ATP8B4: variants seen among roughly 807,000 people sequenced by gnomAD.
ATP8B4 encodes the protein ATPase phospholipid transporting 8B4 (putative).
In ATP8B4, 133 loss-of-function variants were observed where a neutral mutation model predicts 145.6. The observed-to-expected ratio is 0.91, with a 90% CI of 0.79 to 1.05. The LOEUF (loss-of-function observed/expected upper bound fraction) is 1.05. ATP8B4 is among the 50% of genes least tolerant of loss of function. The probability of loss-of-function intolerance (pLI) is 0.00; values close to 1 mark genes in which losing one functional copy is unlikely to be tolerated. For synonymous variants in ATP8B4, 507 were observed against 492.9 expected (o/e 1.03, Z -0.38); for missense variants, 1,458 against 1,425.2 (o/e 1.02, Z -0.37).
chr15:50,063,985 GA>G (rs1235395215), intron 3 of ATP8B4, among the ~76,000 whole-genome samples: 1 of 152,082 alleles, frequency 6.6e-6, no homozygotes, highest in Non-Finnish European at 1.5e-5. Context: ...CCCAAAGAAA[GA>G]AAAGGCTGTT....
chr15:49,986,078 T>C (rs1232722935), intron 10 of ATP8B4, among the ~76,000 whole-genome samples: 1 of 152,216 alleles, frequency 6.6e-6, no homozygotes, highest in Non-Finnish European at 1.5e-5. Context: ...TTCCTTGTTT[T>C]TCAGAACATT....
Position 50,160,795 on chromosome 15 carries a change from T to G in ATP8B4, c.-43+21466A>C, listed in dbSNP as rs139077282. Among the ~76,000 whole-genome samples the G allele has an allele frequency of 6.2e-3, 947 of 152,250 alleles. 11 individuals carry two copies. Among genetic ancestry groups the G allele is most frequent in the African/African-American group, 0.022 (921 of 41,580 alleles). On this transcript the variant is annotated intron_variant, in intron 1 of 3. Coordinates refer to the ATP8B4 transcript ENST00000558829. ...TAAGACTTGTTTGTGGCTTAAGATATGGTTCATTTTGAGAATGATCCATGT... is the reference window on the plus strand; with the variant it reads ...TAAGACTTGTTTGTGGCTTAAGATAGGGTTCATTTTGAGAATGATCCATGT...
intron 2 of ATP8B4, among the ~76,000 whole-genome samples, chr15:50,095,998 T>C (rs866420032): frequency 9.2e-5 from 14 of 152,184 alleles, no homozygotes; most frequent in South Asian, 2.1e-4. Flanking sequence ...AAATAACGTA[T>C]AATGTTTAGG....
chr15:49,961,090 G>A (rs1408347682), intron 14 of ATP8B4, among the ~76,000 whole-genome samples: 1 of 151,052 alleles, frequency 6.6e-6, no homozygotes, highest in African/African-American at 2.4e-5. Context: ...CCGAGATTGC[G>A]CCACTGCGCT....
rs2044098653 is a variant in ATP8B4 at position 50,134,698 on chromosome 15, A to G, written c.-42-27690T>C. On this transcript the variant is annotated intron_variant, in intron 1 of 3. Coordinates refer to the ATP8B4 transcript ENST00000558829. ...TCAACAAGAATGGAGAACAAAGTATAGATTCAAGAAATATTCCAAATATAG... is the reference window on the plus strand; with the variant it reads ...TCAACAAGAATGGAGAACAAAGTATGGATTCAAGAAATATTCCAAATATAG... 3.9e-5 allele frequency among the ~76,000 whole-genome samples: 6 copies of G among 152,264 alleles called. 1 individual carries two copies. The highest frequency in any genetic ancestry group is 3.9e-4 in the Admixed American group (6 of 15,288).
At chr15:50,180,692 C>G (rs11854761) in intron 1 of ATP8B4, among the ~76,000 whole-genome samples, 13,981 of 152,128 alleles carry the variant, frequency 0.092, 848 homozygotes, top group Middle Eastern at 0.15. Flanking sequence ...TGGTTTCTGT[C>G]GGGCCCTCAC....
chr15:49,912,692 C>T (rs2039352640), intron 20 of ATP8B4, among the ~76,000 whole-genome samples: 1 of 152,090 alleles, frequency 6.6e-6, no homozygotes, highest in Non-Finnish European at 1.5e-5. Context: ...TACCCTCATA[C>T]CAAAATCAGA....
intron 14 of ATP8B4, among the ~76,000 whole-genome samples, chr15:49,947,617 A>C (rs1429700070): frequency 6.6e-6 from 1 of 152,108 alleles, no homozygotes; most frequent in African/African-American, 2.4e-5. Flanking sequence ...AAGTATAAAA[A>C]AAATTCTAAA....
intron 2 of ATP8B4, among the ~76,000 whole-genome samples, chr15:50,092,164 G>T (rs2055652486): frequency 6.6e-6 from 1 of 152,008 alleles, no homozygotes; most frequent in Admixed American, 6.6e-5. Flanking sequence ...TATTTGATGA[G>T]ACAAACCAAT....
chr15:49,913,441 C>T (rs2039438694), intron 20 of ATP8B4, among the ~76,000 whole-genome samples: 2 of 152,168 alleles, frequency 1.3e-5, no homozygotes, highest in Admixed American at 6.5e-5. Context: ...GAGTTGAAAC[C>T]CTTTTTTCTA....
chr15:50,161,862 C>T (rs747648081), intron 1 of ATP8B4, among the ~76,000 whole-genome samples: 5 of 151,938 alleles, frequency 3.3e-5, no homozygotes, highest in African/African-American at 9.7e-5. Context: ...AGTTTTGTAC[C>T]GTCAGATGAT....
chr15:49,900,000 G>A (rs2037842429), intron 21 of ATP8B4, among the ~76,000 whole-genome samples: 1 of 152,194 alleles, frequency 6.6e-6, no homozygotes, highest in African/African-American at 2.4e-5. Flanking sequence ...GAGCCTGAGA[G>A]AAAGTCAAAG....
chr15:49,922,333 C>T lies in ATP8B4; in HGVS notation c.1758+1046G>A, dbSNP rs189381188. On this transcript the variant is annotated intron_variant, in intron 17 of 27. Coordinates refer to ENST00000284509, the MANE Select transcript of ATP8B4 (RefSeq NM_024837.4). ...AACCAGGGCCTTGGTGTTTGAGTAA[C>T]GGCAATAAGTCAGACACTTATGATT... The T allele has an allele frequency of 1.1e-3, 456 of 398,130 alleles. 8 individuals carry two copies. Among genetic ancestry groups the T allele is most frequent in the South Asian group, 4.8e-3 (254 of 52,550 alleles). 24.7% of individuals were successfully genotyped at this position (398,130 alleles called of 1,614,324 possible).
Position 50,050,745 on chromosome 15 carries a change from A to ATAAAACATATTAAATATGTTTTATT in ATP8B4, c.88-3306_88-3282dup, listed in dbSNP as rs1194770397. On this transcript the variant is annotated intron_variant, in intron 3 of 27. Coordinates refer to ENST00000284509, the MANE Select transcript of ATP8B4 (RefSeq NM_024837.4). Reference sequence around the variant, plus strand: ...TTTTTTCAGGTTTAATATGTTTTATATAAAACATATTAAATATGTTTTATT... The same window carrying ATAAAACATATTAAATATGTTTTATT: ...TTTTTTCAGGTTTAATATGTTTTATATAAAACATATTAAATATGTTTTATTTAAAACATATTAAATATGTTTTATT... Among the ~76,000 whole-genome samples, 358 of 152,242 alleles carry ATAAAACATATTAAATATGTTTTATT rather than the reference A, an allele frequency of 2.4e-3. 2 individuals are homozygous for ATAAAACATATTAAATATGTTTTATT. The highest frequency in any genetic ancestry group is 3.4e-3 in the Middle Eastern group (1 of 292).
At chr15:49,991,144 G>C (rs1264087931) in intron 9 of ATP8B4, among the ~76,000 whole-genome samples, 2 of 152,098 alleles carry the variant, frequency 1.3e-5, no homozygotes, top group Non-Finnish European at 2.9e-5. Flanking sequence ...GAATAGGAAA[G>C]CTATCTGGTA....
chr15:49,889,920 T>C (rs1388116128), intron 23 of ATP8B4, among the ~76,000 whole-genome samples: 2 of 152,224 alleles, frequency 1.3e-5, no homozygotes, highest in Non-Finnish European at 2.9e-5. Flanking sequence ...CACGGAAGAA[T>C]ATTTAGGCGC....
chr15:50,174,751 C>T (rs2044737802), intron 1 of ATP8B4, among the ~76,000 whole-genome samples: 1 of 151,900 alleles, frequency 6.6e-6, no homozygotes, highest in Admixed American at 6.6e-5. Flanking sequence ...AGACAATCCC[C>T]ATCAGAATAC....
At chr15:50,034,332 T>C (rs1481385330) in intron 6 of ATP8B4, among the ~76,000 whole-genome samples, 1 of 149,348 alleles carries the variant, frequency 6.7e-6, no homozygotes, top group African/African-American at 2.5e-5. Context: ...TGGGTTCAAA[T>C]AATTCTCCTG....
At chr15:50,081,910 C>G (rs1037169568) in intron 2 of ATP8B4, among the ~76,000 whole-genome samples, 2 of 152,184 alleles carry the variant, frequency 1.3e-5, no homozygotes, top group Non-Finnish European at 2.9e-5. Flanking sequence ...ATGGAGCATT[C>G]GGGGTCCCTA....
Sources: allele counts gnomAD v4.1 joint callset (sites outside exome capture counted in the v4.1 genomes callset), GRCh38; gene constraint gnomAD v4.1.1; transcripts MANE v1.5; gene names NCBI Gene and HGNC (gene_info 2026-07-23, HGNC 2026-07-21).